Variants in AMZ1 observed in about 807,000 individuals in gnomAD.
The protein encoded by AMZ1 is archaemetzincin-1.
In AMZ1, 39 loss-of-function variants were observed where a neutral mutation model predicts 29.9. The ratio of observed to expected loss-of-function variants is 1.30; its 90% confidence interval spans 1.01 to 1.70. AMZ1 has a LOEUF of 1.70. Ranked by LOEUF, AMZ1 falls within the 40% of genes most tolerant of loss-of-function variation. The pLI is 0.00. For missense variants in AMZ1, 1,041 were observed against 680.6 expected, an observed-to-expected ratio of 1.53 and a Z score of -5.89; for synonymous variants, 458 against 304.0, an observed-to-expected ratio of 1.51 and a Z score of -5.27.
At chr7:2,739,489 A>C (rs986329192) in intron 4 of AMZ1, among the ~76,000 whole-genome samples, 11 of 99,108 alleles carry the variant, frequency 1.1e-4, no homozygotes, top group African/African-American at 3.7e-4. Flanking sequence ...ATATATATAT[A>C]TGTATATTAC....
rs906763027 is a variant in AMZ1, at chr7:2,719,669, T to C, written c.*6791T>C. On this transcript the variant is annotated 3_prime_UTR_variant, in exon 7 of 7. Coordinates refer to ENST00000683327, the MANE Select transcript of AMZ1 (RefSeq NM_001384743.1). Reference sequence around the variant, plus strand: ...CATTTTCATTCTCAAAATTAATAAATGCTATCAACCCCAATTTTTTTTTTT... The same window carrying C: ...CATTTTCATTCTCAAAATTAATAAACGCTATCAACCCCAATTTTTTTTTTT... 1.4e-5 allele frequency among the ~76,000 whole-genome samples: 2 copies of C among 139,848 alleles called. No homozygotes were observed. Among genetic ancestry groups the C allele is most frequent in the Admixed American group, 1.5e-4 (2 of 13,330 alleles). 91.7% of individuals were successfully genotyped at this position (139,848 alleles called of 152,430 possible). A position where few individuals can be genotyped will look rare whatever the true frequency, so the allele number is the denominator to read the frequency against.
intron 4 of AMZ1, among the ~76,000 whole-genome samples, chr7:2,759,306 A>G (rs1384408184): frequency 6.6e-6 from 1 of 152,206 alleles, no homozygotes; most frequent in African/African-American, 2.4e-5. Context: ...AAGGAAACAA[A>G]GCGCTAGCTG....
At chr7:2,728,005 T>TAAA (rs1789695151) in intron 4 of AMZ1, 1 of 102,052 alleles carries the variant, frequency 9.8e-6, no homozygotes, top group African/African-American at 4.2e-5. Flanking sequence ...AGACTCTGTC[T>TAAA]CAAAAAAAAA....
chr7:2,747,912 G>C (rs968521179), intron 4 of AMZ1, among the ~76,000 whole-genome samples: 3 of 151,890 alleles, frequency 2.0e-5, no homozygotes, highest in Non-Finnish European at 4.4e-5. Context: ...ATTCACAATT[G>C]CTTCAAAGAG....
chr7:2,695,816 G>A (rs1045603830), intron 1 of AMZ1, among the ~76,000 whole-genome samples: 2 of 152,114 alleles, frequency 1.3e-5, no homozygotes, highest in South Asian at 2.1e-4. Context: ...TTCGAGACCA[G>A]CCTGACTAAC....
intron 1 of AMZ1, among the ~76,000 whole-genome samples, chr7:2,692,315 C>A (rs1047652518): frequency 6.6e-6 from 1 of 151,910 alleles, no homozygotes; most frequent in Non-Finnish European, 1.5e-5. Context: ...CCGAGGCGGG[C>A]GGATCATGAG....
intron 4 of AMZ1, among the ~76,000 whole-genome samples, chr7:2,752,690 AT>A (rs1791097234): frequency 6.6e-6 from 1 of 152,224 alleles, no homozygotes; most frequent in South Asian, 2.1e-4. Flanking sequence ...TGTAAAAGCA[AT>A]TCCGTTTTTA....
In AMZ1 at chr7:2,719,251, C is replaced by T. The variant is rs749425437; in HGVS notation, c.*6373C>T. Among the ~76,000 whole-genome samples, 17 of 152,178 alleles carry T rather than the reference C, an allele frequency of 1.1e-4. No homozygotes were observed. Among genetic ancestry groups the T allele is most frequent in the Non-Finnish European group, 2.1e-4 (14 of 68,024 alleles). Reference sequence around the variant, plus strand: ...CTCTTTATTCCTGCCATCCTCCGGCCGCCTCTCCCGCCTGCACCACTTGGA... The same window carrying T: ...CTCTTTATTCCTGCCATCCTCCGGCTGCCTCTCCCGCCTGCACCACTTGGA... On this transcript the variant is annotated 3_prime_UTR_variant, in exon 7 of 7. Coordinates refer to ENST00000683327, the MANE Select transcript of AMZ1 (RefSeq NM_001384743.1).
chr7:2,745,102 A>G (rs1790701975), intron 4 of AMZ1, among the ~76,000 whole-genome samples: 1 of 152,240 alleles, frequency 6.6e-6, no homozygotes, highest in African/African-American at 2.4e-5. Context: ...TCTGCAGGAT[A>G]TTATCCAGGA....
At chr7:2,697,215 G>A (rs752325026) in intron 1 of AMZ1, among the ~76,000 whole-genome samples, 5 of 152,076 alleles carry the variant, frequency 3.3e-5, no homozygotes, top group Non-Finnish European at 7.4e-5. Context: ...TGATTCTTCT[G>A]CCTCTTGAGT....
chr7:2,755,729 T>C (rs1206964744), intron 4 of AMZ1, among the ~76,000 whole-genome samples: 1 of 152,258 alleles, frequency 6.6e-6, no homozygotes, highest in Non-Finnish European at 1.5e-5. Flanking sequence ...TGCATTTCCT[T>C]TTCTTGCCTT....
chr7:2,717,584 A>G lies in AMZ1; in HGVS notation c.*4706A>G, dbSNP rs1306805044. On this transcript the variant is annotated 3_prime_UTR_variant, in exon 7 of 7. Coordinates refer to ENST00000683327, the MANE Select transcript of AMZ1 (RefSeq NM_001384743.1). ...TTCAAGGAAACCTAAAGCAGCAGCA[A>G]ATTTATGGCTCTTGGAACACGAGGC... Among the ~76,000 whole-genome samples, 2 of 152,214 alleles carry G rather than the reference A, an allele frequency of 1.3e-5. No homozygotes were observed. The highest frequency in any genetic ancestry group is 2.4e-5 in the African/African-American group (1 of 41,456).
At chr7:2,708,967 T>C in intron 4 of AMZ1, 108 bp from the exon 5 acceptor site, 1 of 1,382,040 alleles carries the variant, frequency 7.2e-7, no homozygotes, top group Non-Finnish European at 9.7e-7. Context: ...GACTGGTATG[T>C]CTTTGGGCCA....
At chr7:2,707,602 C>G (rs1583170144) in intron 3 of AMZ1, among the ~76,000 whole-genome samples, 1 of 152,234 alleles carries the variant, frequency 6.6e-6, no homozygotes, top group East Asian at 1.9e-4. Context: ...GGATGACCCA[C>G]TGTGATCTCA....
chr7:2,711,214 T>C (rs1353534591), intron 6 of AMZ1, among the ~76,000 whole-genome samples: 1 of 152,082 alleles, frequency 6.6e-6, no homozygotes, highest in African/African-American at 2.4e-5. Context: ...CTCCTGGCTG[T>C]TGTAGGGAGG....
rs773535779 is a variant in AMZ1, at chr7:2,709,671, G to A, written c.803G>A (p.Gly268Asp). Reference sequence around the variant, plus strand: ...TGCCACGAGCTCTGCCACCTTCTGGGCCTGGGGAACTGCCGCTGGCTCCGC... The same window carrying A: ...TGCCACGAGCTCTGCCACCTTCTGGACCTGGGGAACTGCCGCTGGCTCCGC... ...VTCHELCHLL[G>D]LGNCRWLRCL... The change falls in exon 6 of 7, where the codon GGC becomes GAC. Residue 268 changes from glycine (G) to aspartate (D), a missense_variant. Gly to Asp is a moderately conservative substitution (Grantham distance 94). Coordinates refer to ENST00000683327, the MANE Select transcript of AMZ1 (RefSeq NM_001384743.1). The A allele has an allele frequency of 9.9e-6, 16 of 1,610,458 alleles. No homozygotes were observed. Among genetic ancestry groups the A allele is most frequent in the African/African-American group, 1.3e-5 (1 of 74,860 alleles).
chr7:2,712,205 C>A, intron 6 of AMZ1, 125 bp from the exon 7 acceptor site: 1 of 1,053,954 alleles, frequency 9.5e-7, no homozygotes, highest in Non-Finnish European at 1.3e-6. Context: ...ACACCACCAG[C>A]CTGACTCCCG....
intron 1 of AMZ1, among the ~76,000 whole-genome samples, chr7:2,692,507 A>T (rs947446198): frequency 4.7e-4 from 72 of 152,242 alleles, no homozygotes; most frequent in African/African-American, 1.6e-3. Context: ...GTGCCACTGC[A>T]CTCCAGCCTG....
At chr7:2,698,915 C>T (rs1205028327) in intron 1 of AMZ1, among the ~76,000 whole-genome samples, 1 of 152,174 alleles carries the variant, frequency 6.6e-6, no homozygotes, top group Non-Finnish European at 1.5e-5. Context: ...GGTTTTCCGG[C>T]TAGGACTGGC....
Sources: gnomAD v4.1 joint callset for allele counts (sites outside exome capture counted in the v4.1 genomes callset) on GRCh38, gnomAD v4.1.1 for gene constraint, MANE v1.5 for transcripts, NCBI Gene and HGNC (gene_info 2026-07-23, HGNC 2026-07-21) for gene names.